MACROD1: variants seen among roughly 807,000 people sequenced by gnomAD.
The protein encoded by MACROD1 is ADP-ribose glycohydrolase MACROD1.
In MACROD1, 31 loss-of-function variants were observed where a neutral mutation model predicts 41.4. The observed-to-expected ratio is 0.75, with a 90% CI of 0.56 to 1.01. The LOEUF is 1.01. MACROD1 is among the 50% of genes least tolerant of loss of function. The pLI is 0.00. For missense variants in MACROD1, 473 were observed against 460.0 expected, an observed-to-expected ratio of 1.03 and a Z score of -0.26; for synonymous variants, 252 against 203.4, an observed-to-expected ratio of 1.24 and a Z score of -2.03.
At chr11:64,035,259 C>A (rs529638890) in intron 3 of MACROD1, among the ~76,000 whole-genome samples, 1 of 151,990 alleles carries the variant, frequency 6.6e-6, no homozygotes, top group African/African-American at 2.4e-5. Flanking sequence ...CTGGGGAGCG[C>A]CCGGGTGTTT....
rs145860939 is a variant in MACROD1 at position 64,109,581 on chromosome 11, T to C, written c.517+41658A>G. 4.6e-5 allele frequency among the ~76,000 whole-genome samples: 7 copies of C among 152,118 alleles called. No individual in the cohort carries two copies. In the East Asian group the frequency reaches 7.7e-4, roughly 17 times the overall value. On this transcript the variant is annotated intron_variant, in intron 3 of 10. Coordinates refer to ENST00000255681, the MANE Select transcript of MACROD1 (RefSeq NM_014067.4). ...GTGGCGTGGAGGAGGTAGGGAACTA[T>C]TTCTGGCCACTGGATGACCTGGTGA...
chr11:64,008,422 C>A (rs1201590584), intron 4 of MACROD1, among the ~76,000 whole-genome samples: 5 of 2,566 alleles, frequency 1.9e-3, no homozygotes, highest in African/African-American at 6.5e-3. Flanking sequence ...GGTTAGGGTG[C>A]GGGCGCGGGA....
chr11:64,157,610 C>G (rs888422162), intron 1 of MACROD1, among the ~76,000 whole-genome samples: 7 of 152,316 alleles, frequency 4.6e-5, no homozygotes, highest in Admixed American at 3.9e-4. Context: ...TGACCCCAGA[C>G]GAAGCTTCCA....
rs1945495729 is a variant in MACROD1 at position 64,146,373 on chromosome 11, CG to C, written c.517+4865del. On this transcript the variant is annotated intron_variant, in intron 3 of 10. Coordinates refer to ENST00000255681, the MANE Select transcript of MACROD1 (RefSeq NM_014067.4). The surrounding 1 kb of genome is among the most constrained non-coding windows in gnomAD (Gnocchi z 4.7). ...CTCCTCCTCCAGAAGAGGGGGCCTG[CG>C]GGGGCTCCCTGGCTTATCTCCTGCA... 1.3e-5 allele frequency among the ~76,000 whole-genome samples: 2 copies of C among 152,168 alleles called. No homozygotes were observed. Among genetic ancestry groups the C allele is most frequent in the African/African-American group, 4.8e-5 (2 of 41,444 alleles).
chr11:64,122,894 C>G lies in MACROD1; in HGVS notation c.517+28345G>C, dbSNP rs1433527304. Among the ~76,000 whole-genome samples the G allele has an allele frequency of 6.6e-6, 1 of 152,170 alleles. No homozygotes were observed. Among genetic ancestry groups the G allele is most frequent in the Non-Finnish European group, 1.5e-5 (1 of 68,030 alleles). On this transcript the variant is annotated intron_variant, in intron 3 of 10. Transcript: ENST00000255681. The surrounding 1 kb of genome is among the most constrained non-coding windows in gnomAD (Gnocchi z 4.0). Reference sequence around the variant, plus strand: ...CCCTCCTTCACCTCCGGCCCTGGAGCCAAGGAGCCAGGAGAGGAGGAGAAA... The same window carrying G: ...CCCTCCTTCACCTCCGGCCCTGGAGGCAAGGAGCCAGGAGAGGAGGAGAAA...
At chr11:64,040,796 G>T (rs1159379834) in intron 3 of MACROD1, among the ~76,000 whole-genome samples, 4 of 152,130 alleles carry the variant, frequency 2.6e-5, no homozygotes, top group Non-Finnish European at 4.4e-5. Context: ...AGGGAGAAGG[G>T]AGTGAAGGGG....
chr11:64,131,962 T>A (rs909722179), intron 3 of MACROD1, among the ~76,000 whole-genome samples: 12 of 152,122 alleles, frequency 7.9e-5, no homozygotes, highest in Admixed American at 3.9e-4. Context: ...TGACTGAGCA[T>A]CTGCTACATG....
In MACROD1 at chr11:64,038,113, C is replaced by T. The variant is rs1045745270; in HGVS notation, c.518-22832G>A. Among the ~76,000 whole-genome samples the T allele has an allele frequency of 4.6e-5, 7 of 152,166 alleles. 1 individual carries two copies. The highest frequency in any genetic ancestry group is 7.2e-5 in the African/African-American group (3 of 41,440). On this transcript the variant is annotated intron_variant, in intron 3 of 10. Transcript: ENST00000255681. The stretch of plus-strand genomic sequence containing the variant: ...CCCTGTGTCCCCTCCTCCCCATCTC[C>T]GAGGCCTCCCATGAAAGCCCCTGGG...
At chr11:64,110,365 C>A (rs372553599) in intron 3 of MACROD1, among the ~76,000 whole-genome samples, 1 of 151,826 alleles carries the variant, frequency 6.6e-6, no homozygotes, top group East Asian at 1.9e-4. Context: ...GGGAGGATCA[C>A]CTGAGCATGG....
chr11:64,010,553 G>T lies in MACROD1; in HGVS notation c.547+4699C>A, dbSNP rs1464735162. Among the ~76,000 whole-genome samples the T allele has an allele frequency of 5.3e-5, 8 of 149,800 alleles. No homozygotes were observed. In the East Asian group the frequency reaches 1.6e-3, roughly 30 times the overall value. On this transcript the variant is annotated intron_variant, in intron 4 of 10. Transcript: ENST00000255681. The stretch of plus-strand genomic sequence containing the variant: ...CGTTGGCTGGCATGTTGGTTGGCAT[G>T]TGTTGGTTGGGATGTTGGCTGGCAT...
intron 4 of MACROD1, among the ~76,000 whole-genome samples, chr11:64,012,616 G>A (rs1323372538): frequency 2.0e-5 from 3 of 152,132 alleles, no homozygotes; most frequent in Non-Finnish European, 2.9e-5. Context: ...GGCTAGGCTT[G>A]TCTTGAACTC....
intron 3 of MACROD1, among the ~76,000 whole-genome samples, chr11:64,093,691 T>C (rs1309742404): frequency 6.6e-6 from 1 of 152,158 alleles, no homozygotes; most frequent in Non-Finnish European, 1.5e-5. Context: ...CACCCCCTCT[T>C]GGTCATGGCC....
chr11:64,031,667 G>A (rs919598986), intron 3 of MACROD1, among the ~76,000 whole-genome samples: 5 of 152,014 alleles, frequency 3.3e-5, no homozygotes, highest in Admixed American at 1.3e-4. Context: ...TAGTAGAGAC[G>A]GGGTTTTGCC....
At chr11:64,161,416 T>C (rs1329730156) in intron 1 of MACROD1, among the ~76,000 whole-genome samples, 2 of 152,208 alleles carry the variant, frequency 1.3e-5, no homozygotes, top group East Asian at 3.9e-4. Context: ...GTGATGGCAA[T>C]GCTCTACCTT....
chr11:64,103,471 G>C (rs1256792890), intron 3 of MACROD1: 2 of 152,066 alleles, frequency 1.3e-5, no homozygotes, highest in Non-Finnish European at 2.9e-5. Context: ...TTCCCCCGGA[G>C]ACACAGCCTG....
chr11:64,129,424 C>T (rs1023418379), intron 3 of MACROD1, among the ~76,000 whole-genome samples: 1 of 152,228 alleles, frequency 6.6e-6, no homozygotes, highest in Non-Finnish European at 1.5e-5. Context: ...CCCGCACCAA[C>T]CCTACGGCTG....
chr11:64,022,704 C>G (rs762244487), intron 3 of MACROD1, among the ~76,000 whole-genome samples: 34 of 152,154 alleles, frequency 2.2e-4, no homozygotes, highest in Non-Finnish European at 3.8e-4. Flanking sequence ...TCTGTCCCCC[C>G]AGGCCAAGGT....
intron 3 of MACROD1, among the ~76,000 whole-genome samples, chr11:64,043,915 G>T (rs1396319165): frequency 6.6e-6 from 1 of 151,750 alleles, no homozygotes; most frequent in Non-Finnish European, 1.5e-5. Flanking sequence ...ACAGGTTCAA[G>T]CTATTCTCCT....
chr11:64,164,820 C>T (rs1222387304), intron 1 of MACROD1, among the ~76,000 whole-genome samples: 1 of 152,226 alleles, frequency 6.6e-6, no homozygotes. Flanking sequence ...CGGGAAGAGT[C>T]ACAGGATCCC....
Sources: gnomAD v4.1 joint callset for allele counts (sites outside exome capture counted in the v4.1 genomes callset) on GRCh38, gnomAD v4.1.1 for gene constraint, Gnocchi (gnomAD v3.1) non-coding constraint, MANE v1.5 for transcripts, NCBI Gene and HGNC (gene_info 2026-07-23, HGNC 2026-07-21) for gene names.